The following SLC2A1 variants were observed in gnomAD, a reference collection of about 807,000 sequenced individuals.
SLC2A1 encodes solute carrier family 2, facilitated glucose transporter member 1.
A neutral mutation model predicts 46.6 loss-of-function variants in SLC2A1; 4 were observed. The observed-to-expected ratio is 0.09, with a 90% CI of 0.04 to 0.20. The LOEUF (loss-of-function observed/expected upper bound fraction) is 0.20. Among genes scored for constraint, SLC2A1 ranks in the 10% least tolerant of loss-of-function variants. The pLI is 1.00. For missense variants in SLC2A1, 352 were observed against 667.0 expected, an observed-to-expected ratio of 0.53 and a Z score of 5.20; for synonymous variants, 253 against 270.0, an observed-to-expected ratio of 0.94 and a Z score of 0.62.
intron 1 of SLC2A1, among the ~76,000 whole-genome samples, chr1:42,947,791 GC>G (rs1455074580): frequency 6.6e-6 from 1 of 152,132 alleles, no homozygotes; most frequent in Non-Finnish European, 1.5e-5. Flanking sequence ...CATGCTAATT[GC>G]CAAACAAAGA....
intron 1 of SLC2A1, among the ~76,000 whole-genome samples, chr1:42,955,406 C>T (rs543043766): frequency 1.2e-3 from 181 of 152,198 alleles, no homozygotes; most frequent in African/African-American, 4.1e-3. Flanking sequence ...CTCAAGAGTT[C>T]GAGACCAGCC....
intron 2 of SLC2A1, among the ~76,000 whole-genome samples, chr1:42,942,247 CATTCA>C (rs1431366174): frequency 6.6e-6 from 1 of 152,228 alleles, no homozygotes; most frequent in East Asian, 1.9e-4. Flanking sequence ...CTGACTCCAG[CATTCA>C]ATAGCTTTGT....
At chr1:42,940,404 C>T (rs966138258) in intron 2 of SLC2A1, among the ~76,000 whole-genome samples, 2 of 152,232 alleles carry the variant, frequency 1.3e-5, no homozygotes, top group African/African-American at 4.8e-5. Context: ...GTGTCTATTA[C>T]TATGACAGGC....
intron 1 of SLC2A1, among the ~76,000 whole-genome samples, chr1:42,944,751 T>C (rs1221683173): frequency 6.6e-6 from 1 of 152,200 alleles, no homozygotes; most frequent in East Asian, 1.9e-4. Flanking sequence ...CGCTGCATCC[T>C]TCCTTCCCAT....
Position 42,943,251 on chromosome 1 carries a change from G to A in SLC2A1, c.89C>T (p.Thr30Ile). The A allele has an allele frequency of 6.2e-7, 1 of 1,613,592 alleles. No individual in the cohort carries two copies. Among genetic ancestry groups the A allele is most frequent in the South Asian group, 1.1e-5 (1 of 91,028 alleles). Residue 30 changes from threonine to isoleucine, a missense_variant, in exon 2 of 10, where the codon ACT becomes ATT. By Grantham distance (89) the Thr-to-Ile change is moderately conservative (BLOSUM62 -1). Coordinates refer to ENST00000426263, the MANE Select transcript of SLC2A1 (RefSeq NM_006516.4). ...VLGSLQFGYN[T>I]GVINAPQKVI... ...CTTCTGGGGGGCATTGATGACTCCA[G>A]TGTTGTAGCCAAACTGCAGGGAGCC...
chr1:42,926,983 GCTC>G lies in SLC2A1; in HGVS notation c.*55_*57del. The G allele has an allele frequency of 1.9e-6, 3 of 1,594,418 alleles. No homozygotes were observed. In the South Asian group the frequency reaches 3.3e-5, roughly 18 times the overall value. On this transcript the variant is annotated 3_prime_UTR_variant, in exon 10 of 10. Transcript: ENST00000426263. The stretch of plus-strand genomic sequence containing the variant: ...TTGGAAGTCTCATCCAGCTGCCTGT[GCTC>G]CTGAGAGATCCTTAGGGCTGCTGGG...
At position 42,927,029 on chromosome 1, in the gene SLC2A1, A is replaced by G. The variant is rs1397570785; in HGVS notation, c.*12T>C. 3 of 1,612,814 alleles carry G rather than the reference A, an allele frequency of 1.9e-6. No homozygotes were observed. The highest frequency in any genetic ancestry group is 1.3e-5 in the African/African-American group (1 of 74,998). On this transcript the variant is annotated 3_prime_UTR_variant, in exon 10 of 10. Transcript: ENST00000426263. This position sits in a 1 kb window ranked among gnomAD's most constrained non-coding sequence, Gnocchi z 5.3. ...CTGCTGGGAGCAGGCCGGGCTGGTG[A>G]TCTGGGGCGACTCACACTTGGGAAT...
chr1:42,945,302 C>A (rs185779075), intron 1 of SLC2A1, among the ~76,000 whole-genome samples: 4 of 151,988 alleles, frequency 2.6e-5, no homozygotes, highest in African/African-American at 9.7e-5. Flanking sequence ...CCTGGGAGTT[C>A]GAGGCCGCAG....
chr1:42,949,769 C>T (rs960917204), intron 1 of SLC2A1, among the ~76,000 whole-genome samples: 1 of 152,038 alleles, frequency 6.6e-6, no homozygotes, highest in Non-Finnish European at 1.5e-5. Context: ...AGCGATTACT[C>T]CCTTTTCACA....
intron 1 of SLC2A1, chr1:42,952,509 C>A: frequency 2.4e-6 from 1 of 419,316 alleles, no homozygotes; most frequent in Non-Finnish European, 4.9e-6. Context: ...CAGCTCCAGC[C>A]GCATAAGGGC....
chr1:42,944,375 G>T (rs1169775232), intron 1 of SLC2A1, among the ~76,000 whole-genome samples: 1 of 152,138 alleles, frequency 6.6e-6, no homozygotes, highest in African/African-American at 2.4e-5. Context: ...GTGACATTAG[G>T]CAGGCCTTTA....
chr1:42,958,543 CG>C (rs1643806412), intron 1 of SLC2A1, 90 bp downstream of exon 1: 3 of 1,130,264 alleles, frequency 2.7e-6, no homozygotes, highest in Non-Finnish European at 3.5e-6. Context: ...CACAGCGCAG[CG>C]GGGCGGCGGG....
chr1:42,953,034 T>C (rs2367028), intron 1 of SLC2A1, among the ~76,000 whole-genome samples: 2,289 of 152,268 alleles, frequency 0.015, 67 homozygotes, highest in African/African-American at 0.052. Context: ...TGGCCTAAGG[T>C]CCAATGGTAG....
chr1:42,930,104 C>T lies in SLC2A1; in HGVS notation c.517-69G>A, dbSNP rs560625214. On this transcript the variant is annotated intron_variant, in intron 4 of 9. Coordinates refer to ENST00000426263, the MANE Select transcript of SLC2A1 (RefSeq NM_006516.4). The surrounding 1 kb of genome is among the most constrained non-coding windows in gnomAD (Gnocchi z 6.2). Reference sequence around the variant, plus strand: ...TTCCCACCCCGTCCTGCCAGAGTGGCCTTCCCTACTTTGTGTCAGCTGCTG... The same window carrying T: ...TTCCCACCCCGTCCTGCCAGAGTGGTCTTCCCTACTTTGTGTCAGCTGCTG... 3 of 1,568,574 alleles carry T rather than the reference C, an allele frequency of 1.9e-6. No individual in the cohort carries two copies. Among genetic ancestry groups the T allele is most frequent in the South Asian group, 1.1e-5 (1 of 88,862 alleles).
rs1274867904 is a variant in SLC2A1 at position 42,958,581 on chromosome 1, C to T, written c.18+53G>A. ...GAGGCCCTGGCCGGCGTAAGGCGGG[C>T]AGGAGTCTGCGCCTTTGTTCCTGGC... On this transcript the variant is annotated intron_variant, in intron 1 of 9. Transcript: ENST00000426263. The T allele has an allele frequency of 3.4e-6, 5 of 1,484,120 alleles. No homozygotes were observed. The Admixed American group carries it at 8.4e-5, about 25-fold the overall frequency. The allele number at this position is 1,484,120 out of a possible 1,614,324, so 91.9% of individuals were successfully genotyped here. A position where few individuals can be genotyped will look rare whatever the true frequency, so the allele number is the denominator to read the frequency against.
chr1:42,936,434 A>G (rs1400894628), intron 2 of SLC2A1, among the ~76,000 whole-genome samples: 8 of 152,110 alleles, frequency 5.3e-5, no homozygotes, highest in East Asian at 1.9e-4. Flanking sequence ...ACTCTCAGCC[A>G]CACCCCAGGG....
intron 2 of SLC2A1, among the ~76,000 whole-genome samples, chr1:42,938,052 C>G (rs1440222430): frequency 6.6e-6 from 1 of 152,204 alleles, no homozygotes; most frequent in Non-Finnish European, 1.5e-5. Flanking sequence ...TATTCTCAGA[C>G]ATGCCTGACA....
chr1:42,940,098 G>A (rs1023534751), intron 2 of SLC2A1, among the ~76,000 whole-genome samples: 14 of 151,468 alleles, frequency 9.2e-5, no homozygotes, highest in African/African-American at 3.2e-4. Flanking sequence ...CTTCCAACAT[G>A]TTTAAAAATA....
intron 8 of SLC2A1, 87 bp downstream of exon 8, chr1:42,928,845 C>T (rs1643455151): frequency 1.6e-6 from 2 of 1,233,328 alleles, no homozygotes; most frequent in South Asian, 2.4e-5. Context: ...AAAGGCCTGC[C>T]AGCCTGGGGC....
Sources: gnomAD v4.1 joint callset for allele counts (sites outside exome capture counted in the v4.1 genomes callset) on GRCh38, gnomAD v4.1.1 for gene constraint, Gnocchi (gnomAD v3.1) non-coding constraint, MANE v1.5 for transcripts, NCBI Gene and HGNC (gene_info 2026-07-23, HGNC 2026-07-21) for gene names.